The following CADM2 variants were observed in gnomAD, a reference collection of about 807,000 sequenced individuals.
CADM2 encodes the protein immunoglobulin superfamily member 4D.
CADM2 carries 12 observed loss-of-function variants against 49.8 expected under a neutral mutation model. The observed-to-expected ratio is 0.24, with a 90% CI of 0.15 to 0.39. The LOEUF (loss-of-function observed/expected upper bound fraction) is 0.39. Ranked by LOEUF, CADM2 falls within the 10% of genes least tolerant of loss-of-function variation. The probability of loss-of-function intolerance (pLI) is 1.00; values close to 1 mark genes in which losing one functional copy is unlikely to be tolerated. For missense variants in CADM2, 378 were observed against 492.3 expected (o/e 0.77, Z 2.20); for synonymous variants, 214 against 175.4 (o/e 1.22, Z -1.74).
chr3:85,306,224 A>T (rs935777884), intron 1 of CADM2, among the ~76,000 whole-genome samples: 1 of 151,692 alleles, frequency 6.6e-6, no homozygotes, highest in Non-Finnish European at 1.5e-5. Context: ...TCAACAAAAA[A>T]ATCTATTTAG....
At chr3:85,280,904 T>C (rs1214620254) in intron 1 of CADM2, among the ~76,000 whole-genome samples, 3 of 151,660 alleles carry the variant, frequency 2.0e-5, no homozygotes, top group African/African-American at 7.3e-5. Flanking sequence ...GCACTCCATA[T>C]AAAAACCATT....
At chr3:85,757,664 A>G (rs2069186202) in intron 2 of CADM2, among the ~76,000 whole-genome samples, 1 of 152,180 alleles carries the variant, frequency 6.6e-6, no homozygotes, top group South Asian at 2.1e-4. Flanking sequence ...TGATTAATGC[A>G]GTTGAGAAGA....
intron 8 of CADM2, among the ~76,000 whole-genome samples, chr3:86,021,362 T>C (rs1733146944): frequency 6.6e-6 from 1 of 152,172 alleles, no homozygotes; most frequent in Non-Finnish European, 1.5e-5. Context: ...TGCCATTTAA[T>C]TATGTTGCTT....
chr3:84,998,427 A>G (rs2033286399), intron 1 of CADM2, among the ~76,000 whole-genome samples: 2 of 152,142 alleles, frequency 1.3e-5, no homozygotes, highest in Non-Finnish European at 2.9e-5. Context: ...TGCCTGAAGT[A>G]CCCCTTTTAA....
chr3:85,904,964 T>C (rs945184349), intron 5 of CADM2, among the ~76,000 whole-genome samples: 2 of 152,206 alleles, frequency 1.3e-5, no homozygotes, highest in Non-Finnish European at 2.9e-5. Context: ...TAAGTATAGA[T>C]AATGTTTAGT....
intron 2 of CADM2, among the ~76,000 whole-genome samples, chr3:85,780,441 T>C (rs139603424): frequency 9.4e-4 from 143 of 152,314 alleles, no homozygotes; most frequent in South Asian, 3.7e-3. Flanking sequence ...TACAACACCA[T>C]TGATACTAAC....
intron 3 of CADM2, among the ~76,000 whole-genome samples, chr3:85,852,193 A>G (rs571529409): frequency 6.2e-4 from 95 of 152,190 alleles, no homozygotes; most frequent in African/African-American, 2.3e-3. Flanking sequence ...TACCATCTAT[A>G]TGCTACTTGG....
intron 3 of CADM2, among the ~76,000 whole-genome samples, chr3:85,856,724 T>A (rs2075331668): frequency 6.6e-6 from 1 of 152,170 alleles, no homozygotes; most frequent in African/African-American, 2.4e-5. Flanking sequence ...TTGGTACCAT[T>A]TTCTGAAATA....
intron 3 of CADM2, among the ~76,000 whole-genome samples, chr3:85,806,812 G>A (rs574011366): frequency 9.1e-4 from 139 of 152,230 alleles, no homozygotes; most frequent in African/African-American, 3.1e-3. Flanking sequence ...CGGGGAGATA[G>A]GAGTCTAGTG....
At chr3:85,834,618 G>GT (rs1414220370) in intron 3 of CADM2, among the ~76,000 whole-genome samples, 2 of 151,582 alleles carry the variant, frequency 1.3e-5, no homozygotes, top group Admixed American at 1.3e-4. Context: ...TATGTTCTGA[G>GT]TTTGACTTGT....
intron 1 of CADM2, among the ~76,000 whole-genome samples, chr3:85,658,280 G>A (rs1301038654): frequency 6.6e-6 from 1 of 151,798 alleles, no homozygotes; most frequent in African/African-American, 2.4e-5. Flanking sequence ...TATAATCCAA[G>A]GAATGCCAAA....
At chr3:85,103,867 T>C (rs2038107813) in intron 1 of CADM2, among the ~76,000 whole-genome samples, 1 of 152,156 alleles carries the variant, frequency 6.6e-6, no homozygotes, top group South Asian at 2.1e-4. Flanking sequence ...TGTAGTGGGC[T>C]AGGATGACAT....
chr3:85,640,765 A>G (rs1175510761), intron 1 of CADM2, among the ~76,000 whole-genome samples: 1 of 152,236 alleles, frequency 6.6e-6, no homozygotes, highest in Non-Finnish European at 1.5e-5. Context: ...TAAATGAATG[A>G]AAAAGTACTA....
At chr3:85,162,329 G>A (rs567103427) in intron 1 of CADM2, among the ~76,000 whole-genome samples, 3 of 151,980 alleles carry the variant, frequency 2.0e-5, no homozygotes, top group South Asian at 2.1e-4. Flanking sequence ...ACTAATTACC[G>A]GGATTTATGT....
chr3:85,641,113 T>C (rs2064696232), intron 1 of CADM2, among the ~76,000 whole-genome samples: 1 of 152,214 alleles, frequency 6.6e-6, no homozygotes, highest in Non-Finnish European at 1.5e-5. Flanking sequence ...GCATTGCATG[T>C]CACAAACATG....
chr3:85,667,159 A>G lies in CADM2; in HGVS notation c.62-59363A>G, dbSNP rs1005401051. Among the ~76,000 whole-genome samples the G allele has an allele frequency of 2.0e-5, 3 of 152,094 alleles. No homozygotes were observed. In the East Asian group the frequency reaches 5.8e-4, roughly 29 times the overall value. ...GTAGCTTAATCCATCTCCTTCTAAGAGTAAAAGTCTCAGAGGAAATCACTT... is the reference window on the plus strand; with the variant it reads ...GTAGCTTAATCCATCTCCTTCTAAGGGTAAAAGTCTCAGAGGAAATCACTT... On this transcript the variant is annotated intron_variant, in intron 1 of 9. Transcript: ENST00000383699.
chr3:85,380,047 T>C (rs540738195), intron 1 of CADM2, among the ~76,000 whole-genome samples: 1 of 152,076 alleles, frequency 6.6e-6, no homozygotes, highest in Non-Finnish European at 1.5e-5. Context: ...GAGTTTGATA[T>C]CTTTTCAAAG....
chr3:85,585,577 G>A (rs2062919800), intron 1 of CADM2, among the ~76,000 whole-genome samples: 1 of 151,840 alleles, frequency 6.6e-6, no homozygotes, highest in African/African-American at 2.4e-5. Context: ...ATTGGATTGG[G>A]TACTATCTGC....
At chr3:86,029,780 C>T (rs914074520) in intron 8 of CADM2, among the ~76,000 whole-genome samples, 4 of 151,918 alleles carry the variant, frequency 2.6e-5, no homozygotes, top group Non-Finnish European at 5.9e-5. Flanking sequence ...CCAGCCTTCT[C>T]CTGATATTTA....
Sources: allele counts gnomAD v4.1 joint callset (sites outside exome capture counted in the v4.1 genomes callset), GRCh38; gene constraint gnomAD v4.1.1; transcripts MANE v1.5; gene names NCBI Gene and HGNC (gene_info 2026-07-23, HGNC 2026-07-21).